MEMO1: variants seen among roughly 807,000 people sequenced by gnomAD.
The protein encoded by MEMO1 is mediator of cell motility 1.
In MEMO1, 6 loss-of-function variants were observed where a neutral mutation model predicts 45.2. The ratio of observed to expected loss-of-function variants is 0.13; its 90% CI spans 0.07 to 0.26. MEMO1 has a LOEUF of 0.26. Among genes scored for constraint, MEMO1 ranks in the 10% least tolerant of loss-of-function variants. The pLI, the probability that MEMO1 is intolerant of heterozygous loss-of-function variation, is 1.00. For synonymous variants in MEMO1, 78 were observed against 124.3 expected, an observed-to-expected ratio of 0.63 and a Z score of 2.48; for missense variants, 184 against 370.5, an observed-to-expected ratio of 0.50 and a Z score of 4.13.
At chr2:31,949,271 A>G (rs911134519) in intron 2 of MEMO1, among the ~76,000 whole-genome samples, 1 of 152,210 alleles carries the variant, frequency 6.6e-6, no homozygotes, top group East Asian at 1.9e-4. Context: ...TATTTACCCA[A>G]AAGAAAGGAA....
intron 8 of MEMO1, among the ~76,000 whole-genome samples, chr2:31,873,537 C>T (rs955337365): frequency 6.6e-6 from 1 of 152,100 alleles, no homozygotes; most frequent in Non-Finnish European, 1.5e-5. Context: ...TATCTTCCCT[C>T]TTTAAAAAAG....
At chr2:31,900,380 G>C (rs1385251458) in intron 6 of MEMO1, among the ~76,000 whole-genome samples, 2 of 152,166 alleles carry the variant, frequency 1.3e-5, no homozygotes, top group African/African-American at 4.8e-5. Context: ...GTCCTTTGCA[G>C]GGACATGGAT....
At chr2:31,955,490 T>C (rs1667309148) in intron 2 of MEMO1, among the ~76,000 whole-genome samples, 1 of 152,224 alleles carries the variant, frequency 6.6e-6, no homozygotes, top group Admixed American at 6.5e-5. Context: ...AAAATAAAAC[T>C]CAGACTCTTA....
chr2:31,897,525 A>G (rs1468058068), intron 6 of MEMO1, among the ~76,000 whole-genome samples: 2 of 152,122 alleles, frequency 1.3e-5, no homozygotes, highest in African/African-American at 2.4e-5. Flanking sequence ...ACATTTATCG[A>G]TTTGTATATG....
chr2:31,877,434 T>G (rs1312332602), intron 8 of MEMO1, among the ~76,000 whole-genome samples: 2 of 152,228 alleles, frequency 1.3e-5, no homozygotes, highest in African/African-American at 4.8e-5. Flanking sequence ...ACACAAAGAC[T>G]GTTCTCCATC....
rs145001460 is a variant in MEMO1 at position 31,987,685 on chromosome 2, C to A, written c.61+22502G>T. On this transcript the variant is annotated intron_variant, in intron 2 of 9. Transcript: ENST00000404530. ...TACAAAGATTATAGTGGTGATGTCACCTTCCACTTTGAGCAATAAATACAA... is the reference window on the plus strand; with the variant it reads ...TACAAAGATTATAGTGGTGATGTCAACTTCCACTTTGAGCAATAAATACAA... Among the ~76,000 whole-genome samples the A allele has an allele frequency of 7.5e-3, 1,149 of 152,266 alleles. 5 individuals are homozygous for A. The highest frequency in any genetic ancestry group is 0.011 in the Non-Finnish European group (725 of 68,020).
At chr2:31,936,104 C>CA (rs1664888807) in intron 3 of MEMO1, among the ~76,000 whole-genome samples, 1 of 152,078 alleles carries the variant, frequency 6.6e-6, no homozygotes, top group African/African-American at 2.4e-5. Flanking sequence ...GCTGGGACTA[C>CA]AGGCATCCGT....
chr2:31,868,150 C>T lies in MEMO1; in HGVS notation c.*211G>A, dbSNP rs1022405246. On this transcript the variant is annotated 3_prime_UTR_variant, in exon 10 of 10. Coordinates refer to ENST00000404530, the MANE Select transcript of MEMO1 (RefSeq NM_001301833.4). The stretch of plus-strand genomic sequence containing the variant: ...TTTGATCAAAATATTTTGATGCCAG[C>T]CTTCCTTCCACTGCCCTAAACTATA... 2.3e-5 allele frequency: 9 copies of T among 389,458 alleles called. No homozygotes were observed. Among genetic ancestry groups the T allele is most frequent in the Non-Finnish European group, 3.5e-5 (8 of 230,990 alleles). 24.1% of individuals were successfully genotyped at this position (389,458 alleles called of 1,614,324 possible).
intron 2 of MEMO1, among the ~76,000 whole-genome samples, chr2:31,986,858 G>A (rs371752078): frequency 4.6e-5 from 7 of 152,136 alleles, no homozygotes; most frequent in Non-Finnish European, 7.3e-5. Context: ...TTAAGTACGC[G>A]ACAACTAAAT....
chr2:31,897,723 T>C (rs1558485427), intron 6 of MEMO1, among the ~76,000 whole-genome samples: 1 of 152,204 alleles, frequency 6.6e-6, no homozygotes, highest in Non-Finnish European at 1.5e-5. Context: ...AGGATGATGC[T>C]GTCCTCATAA....
intron 9 of MEMO1, 108 bp downstream of exon 9, chr2:31,869,740 C>T (rs1483484107): frequency 8.3e-7 from 1 of 1,208,296 alleles, no homozygotes; most frequent in Non-Finnish European, 1.1e-6. Flanking sequence ...TAAAAAGAAA[C>T]TTGACCATAG....
intron 6 of MEMO1, among the ~76,000 whole-genome samples, chr2:31,894,136 T>C (rs1677366471): frequency 6.6e-6 from 1 of 152,166 alleles, no homozygotes; most frequent in Non-Finnish European, 1.5e-5. Context: ...AACAACCATC[T>C]TTGTGTTATG....
intron 6 of MEMO1, among the ~76,000 whole-genome samples, chr2:31,909,692 C>T (rs1680279176): frequency 6.6e-6 from 1 of 152,114 alleles, no homozygotes; most frequent in Non-Finnish European, 1.5e-5. Flanking sequence ...CTACCCAACA[C>T]AATTTAAATA....
rs147152889 is a variant in MEMO1, at chr2:31,878,431, C to T, written c.657+4955G>A. Among the ~76,000 whole-genome samples, 288 of 152,012 alleles carry T rather than the reference C, an allele frequency of 1.9e-3. 3 individuals are homozygous for T. The highest frequency in any genetic ancestry group is 6.7e-3 in the African/African-American group (279 of 41,466). ...GGTTCCTACTTTAAGCCACCTGAGA[C>T]TGAAGAATACCAGGGTAGGTCTAAG... On this transcript the variant is annotated intron_variant, in intron 8 of 9. Coordinates refer to ENST00000404530, the MANE Select transcript of MEMO1 (RefSeq NM_001301833.4).
At chr2:31,952,670 TATCTA>T (rs561701559) in intron 2 of MEMO1, among the ~76,000 whole-genome samples, 16 of 152,214 alleles carry the variant, frequency 1.1e-4, no homozygotes, top group Non-Finnish European at 1.9e-4. Flanking sequence ...TATAGCATCT[TATCTA>T]AACTATTTTT....
intron 2 of MEMO1, among the ~76,000 whole-genome samples, chr2:31,948,363 C>T (rs1558525716): frequency 6.6e-6 from 1 of 152,108 alleles, no homozygotes; most frequent in Non-Finnish European, 1.5e-5. Flanking sequence ...GTAATACCTG[C>T]CTATTAGCAC....
intron 2 of MEMO1, among the ~76,000 whole-genome samples, chr2:31,993,682 T>C (rs915237101): frequency 2.6e-5 from 4 of 152,054 alleles, no homozygotes; most frequent in Non-Finnish European, 2.9e-5. Flanking sequence ...CCAAAGAAAC[T>C]CTTCTGGGGA....
rs1232756179 is a variant in MEMO1, at chr2:31,933,340, AAAAAAAAAATTT to A, written c.144-1217_144-1206del. On this transcript the variant is annotated intron_variant, in intron 3 of 9. Transcript: ENST00000404530. ...TTTAAAAAAAAAAAAAAAAAAAAAA[AAAAAAAAAATTT>A]ATATATATATATATATATATATATA... Among the ~76,000 whole-genome samples the A allele has an allele frequency of 3.2e-3, 185 of 57,462 alleles. 3 individuals are homozygous for A. Among genetic ancestry groups the A allele is most frequent in the African/African-American group, 0.013 (170 of 13,118 alleles). 37.7% of individuals were successfully genotyped at this position (57,462 alleles called of 152,430 possible).
At chr2:31,895,695 T>G (rs928398381) in intron 6 of MEMO1, among the ~76,000 whole-genome samples, 1 of 152,096 alleles carries the variant, frequency 6.6e-6, no homozygotes, top group Non-Finnish European at 1.5e-5. Flanking sequence ...AAATAACTGC[T>G]GAAAACATTC....
Sources: allele counts gnomAD v4.1 joint callset (sites outside exome capture counted in the v4.1 genomes callset), GRCh38; gene constraint gnomAD v4.1.1; transcripts MANE v1.5; gene names NCBI Gene and HGNC (gene_info 2026-07-23, HGNC 2026-07-21).